UNC13C: variants seen among roughly 807,000 people sequenced by gnomAD.
UNC13C encodes the protein unc-13 homolog C.
UNC13C carries 174 observed loss-of-function variants against 245.4 expected under a neutral mutation model. The ratio of observed to expected loss-of-function variants is 0.71; its 90% CI spans 0.63 to 0.80. The LOEUF (loss-of-function observed/expected upper bound fraction) is 0.80, where lower values mean the gene tolerates loss of function less well. Among genes scored for constraint, UNC13C ranks in the 30% least tolerant of loss-of-function variants. The pLI is 0.00. For synonymous variants in UNC13C, 992 were observed against 895.1 expected (o/e 1.11, Z -1.93); for missense variants, 2,829 against 2,602.9 (o/e 1.09, Z -1.89).
In UNC13C at chr15:54,357,681, G is replaced by A. The variant is rs574183767; in HGVS notation, c.4713+19192G>A. Among the ~76,000 whole-genome samples, 4 of 152,150 alleles carry A rather than the reference G, an allele frequency of 2.6e-5. No individual in the cohort carries two copies. The South Asian group carries it at 8.3e-4, about 32-fold the overall frequency. On this transcript the variant is annotated intron_variant, in intron 17 of 32. Coordinates refer to ENST00000260323, the MANE Select transcript of UNC13C (RefSeq NM_001080534.3). The stretch of plus-strand genomic sequence containing the variant: ...ATTAGGAGGTATAAACGTTTTAGGA[G>A]AAAGTAATCTGGGGAGATAATTACT...
intron 2 of UNC13C, among the ~76,000 whole-genome samples, chr15:54,068,021 G>C (rs72739094): frequency 0.16 from 23,988 of 152,108 alleles, 2,007 homozygotes; most frequent in South Asian, 0.24. Context: ...TTGAGAAGCA[G>C]TCTCTGTCAT....
chr15:54,630,475 T>C (rs1053459067), downstream of UNC13C: 5 of 152,342 alleles, frequency 3.3e-5, no homozygotes, highest in South Asian at 2.1e-4. Context: ...AGCCCCTTTA[T>C]GGACTACTAT....
At chr15:54,335,276 T>A (rs2038543299) in intron 16 of UNC13C, among the ~76,000 whole-genome samples, 1 of 152,128 alleles carries the variant, frequency 6.6e-6, no homozygotes, top group African/African-American at 2.4e-5. Context: ...TTGGCATCAC[T>A]TTCTTCTATA....
chr15:53,978,143 G>C (rs1324785698), upstream of UNC13C, among the ~76,000 whole-genome samples: 1 of 152,192 alleles, frequency 6.6e-6, no homozygotes, highest in Non-Finnish European at 1.5e-5. Context: ...TATTATCCAC[G>C]CTATTCCACT....
At chr15:54,199,855 T>A (rs1211470663) in intron 4 of UNC13C, among the ~76,000 whole-genome samples, 2 of 152,206 alleles carry the variant, frequency 1.3e-5, no homozygotes, top group South Asian at 4.1e-4. Flanking sequence ...ATAGTAACAT[T>A]GAATGTAAAT....
At chr15:54,394,359 T>C (rs2040026891) in intron 18 of UNC13C, among the ~76,000 whole-genome samples, 1 of 151,806 alleles carries the variant, frequency 6.6e-6, no homozygotes, top group Admixed American at 6.6e-5. Flanking sequence ...TATATCTGCC[T>C]TTTCTTCCTG....
intron 17 of UNC13C, among the ~76,000 whole-genome samples, chr15:54,360,455 T>C (rs1252839087): frequency 1.3e-5 from 2 of 152,108 alleles, no homozygotes; most frequent in African/African-American, 4.8e-5. Flanking sequence ...TCTATTAATA[T>C]AGTATTTATA....
chr15:54,286,596 T>C lies in UNC13C; in HGVS notation c.3819-7299T>C, dbSNP rs556047900. Among the ~76,000 whole-genome samples the C allele has an allele frequency of 2.6e-5, 4 of 152,310 alleles. No individual in the cohort carries two copies. In the East Asian group the frequency reaches 7.7e-4, roughly 29 times the overall value. On this transcript the variant is annotated intron_variant, in intron 10 of 32. Transcript: ENST00000260323. Reference sequence around the variant, plus strand: ...TCATGATGGGTTAAACTCTGATAACTTGGCCAAAAAAATTTTGCTTTAATG... The same window carrying C: ...TCATGATGGGTTAAACTCTGATAACCTGGCCAAAAAAATTTTGCTTTAATG...
At position 54,239,230 on chromosome 15, in the gene UNC13C, CCTT is replaced by C. The variant is rs1179320325; in HGVS notation, c.3228+1547_3228+1549del. On this transcript the variant is annotated intron_variant, in intron 7 of 32. Coordinates refer to ENST00000260323, the MANE Select transcript of UNC13C (RefSeq NM_001080534.3). ...TTATGTCTATATTTCTCATTCCCTT[CCTT>C]CTTCTTTCTGTCATTGTCATCTTTC... Among the ~76,000 whole-genome samples, 5 of 152,150 alleles carry C rather than the reference CCTT, an allele frequency of 3.3e-5. 1 individual carries two copies. The highest frequency in any genetic ancestry group is 5.9e-5 in the Non-Finnish European group (4 of 68,034).
chr15:54,066,489 G>A (rs1275064802), intron 2 of UNC13C, among the ~76,000 whole-genome samples: 1 of 152,056 alleles, frequency 6.6e-6, no homozygotes, highest in East Asian at 1.9e-4. Context: ...TATCATCTGT[G>A]CACTTATGTG....
At chr15:54,388,569 C>A (rs2039886003) in intron 17 of UNC13C, among the ~76,000 whole-genome samples, 1 of 152,162 alleles carries the variant, frequency 6.6e-6, no homozygotes, top group Non-Finnish European at 1.5e-5. Context: ...GGCTTATCTG[C>A]AAGATATTTT....
chr15:54,101,682 G>C (rs1211788837), intron 2 of UNC13C, among the ~76,000 whole-genome samples: 1 of 151,976 alleles, frequency 6.6e-6, no homozygotes, highest in African/African-American at 2.4e-5. Flanking sequence ...CCAAGTTCAA[G>C]CGATTCTCCT....
At chr15:53,949,131 G>A in the UNC13C span, among the ~76,000 whole-genome samples, 1 of 152,186 alleles carries the variant, frequency 6.6e-6, no homozygotes, top group African/African-American at 2.4e-5. Flanking sequence ...TACCTTTGCA[G>A]TGAAGAATCT....
chr15:54,027,128 A>G (rs1031179001), intron 2 of UNC13C, among the ~76,000 whole-genome samples: 2 of 151,690 alleles, frequency 1.3e-5, no homozygotes, highest in African/African-American at 4.8e-5. Flanking sequence ...AGCATGAGCC[A>G]CGTTCTATAG....
chr15:54,243,444 A>T (rs1350428051), intron 7 of UNC13C, among the ~76,000 whole-genome samples: 1 of 152,180 alleles, frequency 6.6e-6, no homozygotes, highest in Non-Finnish European at 1.5e-5. Flanking sequence ...TGCAATGAAC[A>T]TCTGCATGCA....
intron 1 of UNC13C, among the ~76,000 whole-genome samples, chr15:53,990,018 T>C (rs8024650): frequency 0.01 from 1,522 of 152,114 alleles, 28 homozygotes; most frequent in African/African-American, 0.035. Context: ...AAGGCTTACT[T>C]ACTTGAGGCA....
chr15:54,110,418 G>T (rs1900709859), intron 2 of UNC13C, among the ~76,000 whole-genome samples: 2 of 152,142 alleles, frequency 1.3e-5, no homozygotes, highest in Admixed American at 1.3e-4. Flanking sequence ...CATTCTGTTT[G>T]TTAGGTCAAA....
At chr15:54,230,844 C>T (rs538776049) in intron 4 of UNC13C, among the ~76,000 whole-genome samples, 1 of 152,102 alleles carries the variant, frequency 6.6e-6, no homozygotes, top group Non-Finnish European at 1.5e-5. Flanking sequence ...CAAAACATCA[C>T]ATTGTACCCC....
intron 19 of UNC13C, among the ~76,000 whole-genome samples, chr15:54,454,017 A>G (rs1406419538): frequency 1.3e-5 from 2 of 152,074 alleles, no homozygotes; most frequent in African/African-American, 4.8e-5. Context: ...GCAATCATAA[A>G]ATATGTTGCC....
Sources: allele counts gnomAD v4.1 joint callset (sites outside exome capture counted in the v4.1 genomes callset), GRCh38; gene constraint gnomAD v4.1.1; transcripts MANE v1.5; gene names NCBI Gene and HGNC (gene_info 2026-07-23, HGNC 2026-07-21).